Variants in TRRAP observed in about 807,000 individuals in gnomAD.
TRRAP encodes transformation/transcription domain-associated protein.
A neutral mutation model predicts 438.8 loss-of-function variants in TRRAP; 41 were observed. The ratio of observed to expected loss-of-function variants is 0.09; its 90% CI spans 0.07 to 0.12. TRRAP has a LOEUF of 0.12. TRRAP is among the 10% of genes least tolerant of loss of function. TRRAP has a pLI of 1.00. For synonymous variants in TRRAP, 1,994 were observed against 1,962.9 expected (o/e 1.02, Z -0.42); for missense variants, 3,122 against 5,055.1 (o/e 0.62, Z 11.60).
At chr7:98,990,922 G>T (rs981485096) in intron 64 of TRRAP, among the ~76,000 whole-genome samples, 4 of 152,184 alleles carry the variant, frequency 2.6e-5, no homozygotes, top group African/African-American at 9.7e-5. Context: ...ACAATTGCCA[G>T]TGGGTACCCT....
At position 98,925,301 on chromosome 7, in the gene TRRAP, C is replaced by A. The variant is rs1020300721; in HGVS notation, c.2975+38C>A. ...CTTCCTTCTGTGTGGTTGGGTGGATCCTGTTTTAGGAATTGGGGCTGCAGA... is the reference window on the plus strand; with the variant it reads ...CTTCCTTCTGTGTGGTTGGGTGGATACTGTTTTAGGAATTGGGGCTGCAGA... On this transcript the variant is annotated intron_variant, in intron 22 of 72. Transcript: ENST00000456197. 4 of 1,603,940 alleles carry A rather than the reference C, an allele frequency of 2.5e-6. No homozygotes were observed. In the South Asian group the frequency reaches 4.5e-5, roughly 18 times the overall value.
In TRRAP at chr7:98,958,109, C is replaced by T; in HGVS notation, c.6342+18C>T. The T allele has an allele frequency of 6.2e-6, 10 of 1,609,444 alleles. No individual in the cohort carries two copies. Among genetic ancestry groups the T allele is most frequent in the Non-Finnish European group, 7.6e-6 (9 of 1,176,762 alleles). On this transcript the variant is annotated intron_variant, in intron 44 of 72. Coordinates refer to ENST00000456197, the MANE Select transcript of TRRAP (RefSeq NM_001375524.1). Reference sequence around the variant, plus strand: ...CCTGTCAGGTACGGGATCCAAGTGCCCTGCGTTAGGGCTTCTGCAGACCAG... The same window carrying T: ...CCTGTCAGGTACGGGATCCAAGTGCTCTGCGTTAGGGCTTCTGCAGACCAG...
At position 98,993,698 on chromosome 7, in the gene TRRAP, C is replaced by G. The variant is rs779795162; in HGVS notation, c.10008C>G (p.Val3336=). Reference sequence around the variant, plus strand: ...TTCTGTCTTCCCTGGAAGGCATCGTCGATCAGATGGTCTGGTTCAGAGAAA... The same window carrying G: ...TTCTGTCTTCCCTGGAAGGCATCGTGGATCAGATGGTCTGGTTCAGAGAAA... ...PTLLSSLEGI[V]DQMVWFRENW... is the part of the protein sequence containing the mutation. The change falls in exon 66 of 73, where the codon GTC becomes GTG. Residue 3336 remains valine (V), a synonymous_variant. Coordinates refer to ENST00000456197, the MANE Select transcript of TRRAP (RefSeq NM_001375524.1). 2.5e-6 allele frequency: 4 copies of G among 1,614,208 alleles called. No individual in the cohort carries two copies. Among genetic ancestry groups the G allele is most frequent in the Admixed American group, 1.7e-5 (1 of 60,034 alleles).
intron 53 of TRRAP, 80 bp downstream of exon 53, chr7:98,972,025 A>G (rs1792438520): frequency 4.0e-6 from 6 of 1,494,132 alleles, no homozygotes; most frequent in Non-Finnish European, 5.4e-6. Flanking sequence ...ATTCCACAGC[A>G]GTGTAACTTT....
chr7:98,935,850 C>G (rs901096848), intron 28 of TRRAP, among the ~76,000 whole-genome samples, 175 bp downstream of exon 28: 1 of 152,076 alleles, frequency 6.6e-6, no homozygotes, highest in African/African-American at 2.4e-5. Flanking sequence ...TAATGAGATG[C>G]CATAAAATTA....
chr7:98,899,445 A>G lies in TRRAP; in HGVS notation c.657A>G (p.Ser219=). 6.2e-7 allele frequency: 1 copy of G among 1,614,166 alleles called. No individual in the cohort carries two copies. The highest frequency in any genetic ancestry group is 8.5e-7 in the Non-Finnish European group (1 of 1,180,028). ...TRTHSIIPRG[S]LSLKVLAELP... is the part of the protein sequence containing the mutation. Reference sequence around the variant, plus strand: ...AGCATTCCATCATTCCGAGGGGATCACTTTCTCTGAAAGTGTTGGCAGAAT... The same window carrying G: ...AGCATTCCATCATTCCGAGGGGATCGCTTTCTCTGAAAGTGTTGGCAGAAT... Residue 219 remains serine (S), a synonymous_variant, in exon 9 of 73, where the codon TCA becomes TCG. Coordinates refer to ENST00000456197, the MANE Select transcript of TRRAP (RefSeq NM_001375524.1).
intron 67 of TRRAP, among the ~76,000 whole-genome samples, chr7:99,002,751 A>C (rs1584412895): frequency 1.3e-5 from 2 of 152,154 alleles, no homozygotes; most frequent in East Asian, 3.9e-4. Context: ...CACAAAATAC[A>C]TTGGCTTTCA....
At chr7:98,912,259 ATTG>A (rs782452382) in intron 18 of TRRAP, 46 bp downstream of exon 18, 8 of 1,588,138 alleles carry the variant, frequency 5.0e-6, no homozygotes, top group South Asian at 4.6e-5. Context: ...AGGGTTTTTT[ATTG>A]TTGTTAGAGA....
chr7:98,885,129 A>T (rs927115550), intron 3 of TRRAP, among the ~76,000 whole-genome samples: 2 of 152,086 alleles, frequency 1.3e-5, no homozygotes, highest in African/African-American at 2.4e-5. Context: ...ATTAAAAAAA[A>T]TTTTAAGAGA....
rs782709871 is a variant in TRRAP at position 98,943,015 on chromosome 7, A to G, written c.4471A>G (p.Asn1491Asp). Residue 1491 changes from asparagine to aspartate, a missense_variant and splice_region_variant, in exon 31 of 73, where the codon AAC becomes GAC. Physicochemically the swap from Asn to Asp is conservative, Grantham distance 23. Transcript: ENST00000456197. ...THKGGQRSDGNESISECGRCP... is the reference protein window; with the variant it reads ...THKGGQRSDGDESISECGRCP... ...CAAAGGGGGCCAGAGGAGCGACGGAAACGTGAGTGACTTGTTTGTTTCTGG... is the reference window on the plus strand; with the variant it reads ...CAAAGGGGGCCAGAGGAGCGACGGAGACGTGAGTGACTTGTTTGTTTCTGG... 6.2e-7 allele frequency: 1 copy of G among 1,614,120 alleles called. No homozygotes were observed.
intron 61 of TRRAP, 115 bp downstream of exon 61, chr7:98,984,473 A>G: frequency 4.7e-6 from 6 of 1,290,194 alleles, no homozygotes; most frequent in Non-Finnish European, 6.3e-6. Context: ...CGAACTTTCC[A>G]CAAATACAGC....
chr7:99,010,230 TC>T (rs1252802567), intron 70 of TRRAP, among the ~76,000 whole-genome samples: 1 of 152,216 alleles, frequency 6.6e-6, no homozygotes, highest in Non-Finnish European at 1.5e-5. Context: ...ATAAAAAAGC[TC>T]CTCCAGACTG....
At position 99,011,262 on chromosome 7, in the gene TRRAP, T is replaced by A. The variant is rs759472310; in HGVS notation, c.11142+7T>A. 5 of 1,614,098 alleles carry A rather than the reference T, an allele frequency of 3.1e-6. No homozygotes were observed. In the South Asian group the frequency reaches 5.5e-5, roughly 18 times the overall value. ...GATGTTACAGATCGCTCAGGTAACC[T>A]GCTTTGAACAGCCAGATCCTCTCCT... On this transcript the variant is annotated splice_region_variant and intron_variant, in intron 71 of 72. Coordinates refer to ENST00000456197, the MANE Select transcript of TRRAP (RefSeq NM_001375524.1). This position sits in a 1 kb window ranked among gnomAD's most constrained non-coding sequence, Gnocchi z 7.1.
At chr7:98,929,543 A>G (rs892098280) in intron 23 of TRRAP, among the ~76,000 whole-genome samples, 3 of 152,240 alleles carry the variant, frequency 2.0e-5, no homozygotes, top group African/African-American at 7.2e-5. Flanking sequence ...ACATAATTGC[A>G]GTTTAACAGA....
At chr7:98,910,662 T>C in intron 16 of TRRAP, 55 bp downstream of exon 16, 1 of 1,424,422 alleles carries the variant, frequency 7.0e-7, no homozygotes, top group Non-Finnish European at 9.6e-7. Flanking sequence ...CTCTTAGTAT[T>C]AGAGGTCATA....
At chr7:98,925,751 G>A (rs1479753664) in intron 22 of TRRAP, among the ~76,000 whole-genome samples, 3 of 152,170 alleles carry the variant, frequency 2.0e-5, no homozygotes, top group Non-Finnish European at 4.4e-5. Flanking sequence ...TTTCTGCATT[G>A]TAAGTTTCAG....
rs1250944223 is a variant in TRRAP at position 99,009,167 on chromosome 7, G to A, written c.10938+606G>A. On this transcript the variant is annotated intron_variant, in intron 70 of 72. Transcript: ENST00000456197. ...ATTCACCTGCACGTTTTTGCCCTTG[G>A]TAGGAGGCAGGGCAGGTATGGGCTT... Among the ~76,000 whole-genome samples the A allele has an allele frequency of 5.3e-5, 8 of 152,300 alleles. No individual in the cohort carries two copies. In the East Asian group the frequency reaches 1.5e-3, roughly 29 times the overall value.
At position 98,921,979 on chromosome 7, in the gene TRRAP, G is replaced by A. The variant is rs1482640211; in HGVS notation, c.2823+26G>A. The A allele has an allele frequency of 1.5e-5, 25 of 1,613,888 alleles. No homozygotes were observed. The South Asian group carries it at 1.6e-4, about 11-fold the overall frequency. ...GTAAGCTCTGTGACAATGTCGTTTC[G>A]TTTTAAGCCTTGTGAAGATACTATG... On this transcript the variant is annotated intron_variant, in intron 21 of 72. Coordinates refer to ENST00000456197, the MANE Select transcript of TRRAP (RefSeq NM_001375524.1).
chr7:98,978,467 C>G (rs1386491666), intron 57 of TRRAP, 144 bp downstream of exon 57: 6 of 793,506 alleles, frequency 7.6e-6, no homozygotes, highest in Non-Finnish European at 1.2e-5. Flanking sequence ...AAACCCAAAA[C>G]CAGCATTTAA....
Sources: allele counts gnomAD v4.1 joint callset (sites outside exome capture counted in the v4.1 genomes callset), GRCh38; gene constraint gnomAD v4.1.1; non-coding constraint Gnocchi (gnomAD v3.1); transcripts MANE v1.5; gene names NCBI Gene and HGNC (gene_info 2026-07-23, HGNC 2026-07-21).